The following TTYH2 variants were observed in gnomAD, a reference collection of about 807,000 sequenced individuals.
The protein encoded by TTYH2 is tweety family member 2.
Under a neutral mutation model 68.3 loss-of-function variants are expected in TTYH2, and 49 were observed. The observed-to-expected ratio is 0.72, with a 90% CI of 0.57 to 0.91. The LOEUF (loss-of-function observed/expected upper bound fraction) is 0.91, where lower values mean the gene tolerates loss of function less well. Ranked by LOEUF, TTYH2 falls within the 40% of genes least tolerant of loss-of-function variation. The pLI, the probability that TTYH2 is intolerant of heterozygous loss-of-function variation, is 0.00. For missense variants in TTYH2, 631 were observed against 700.4 expected (o/e 0.90, Z 1.12); for synonymous variants, 272 against 300.8 (o/e 0.90, Z 0.99).
chr17:74,248,569 T>C (rs532597627), intron 6 of TTYH2: 20 of 1,019,672 alleles, frequency 2.0e-5, no homozygotes, highest in Non-Finnish European at 2.2e-5. Context: ...TAGCACTTGA[T>C]CATAGCAAGA....
intron 4 of TTYH2, 87 bp from the exon 5 acceptor site, chr17:74,243,287 C>A: frequency 9.0e-7 from 1 of 1,111,720 alleles, no homozygotes; most frequent in Non-Finnish European, 1.4e-6. Context: ...CCAGTGTGTC[C>A]CAGGGCTGCC....
chr17:74,256,691 C>T (rs1248934152), intron 13 of TTYH2, among the ~76,000 whole-genome samples: 3 of 123,596 alleles, frequency 2.4e-5, no homozygotes, highest in African/African-American at 1.0e-4. Context: ...ACTCTGTGAC[C>T]TAGGCTGGAG....
chr17:74,221,521 A>G lies in TTYH2; in HGVS notation c.130-964A>G, dbSNP rs575755273. Among the ~76,000 whole-genome samples the G allele has an allele frequency of 1.2e-4, 18 of 152,252 alleles. 1 individual carries two copies. The South Asian group carries it at 3.3e-3, about 28-fold the overall frequency. On this transcript the variant is annotated intron_variant, in intron 1 of 13. Transcript: ENST00000269346. ...TAGGGATTCGGGACTGGGAACCCCTATTGGGGGTGCATGGGAAGCAGGGGC... is the reference window on the plus strand; with the variant it reads ...TAGGGATTCGGGACTGGGAACCCCTGTTGGGGGTGCATGGGAAGCAGGGGC...
rs1240840825 is a variant in TTYH2 at position 74,213,818 on chromosome 17, C to T, written c.129+102C>T. ...GCACTTTCCCACGTGCCTCTCAGAC[C>T]CCTTCTCTCCCCGCGCAGCCCTTTC... On this transcript the variant is annotated intron_variant, in intron 1 of 13. Coordinates refer to ENST00000269346, the MANE Select transcript of TTYH2 (RefSeq NM_032646.6). This position sits in a 1 kb window ranked among gnomAD's most constrained non-coding sequence, Gnocchi z 6.1. The T allele has an allele frequency of 3.6e-6, 5 of 1,392,744 alleles. No homozygotes were observed. The highest frequency in any genetic ancestry group is 4.1e-5 in the Admixed American group (2 of 48,660). 86.3% of individuals were successfully genotyped at this position (1,392,744 alleles called of 1,614,324 possible). A position where few individuals can be genotyped will look rare whatever the true frequency, so the allele number is the denominator to read the frequency against.
intron 6 of TTYH2, 57 bp downstream of exon 6, chr17:74,244,106 G>T: frequency 1.3e-6 from 2 of 1,544,220 alleles, no homozygotes; most frequent in Non-Finnish European, 1.8e-6. Flanking sequence ...GGACACTCTG[G>T]TGTGTCTCCA....
rs1270525222 is a variant in TTYH2, at chr17:74,232,720, C to T, written c.414+1721C>T. ...GATCACTGGAGGAGGAACCTAGCCC[C>T]GAGAGGAAAATCCCCTGCCCTGCCC... On this transcript the variant is annotated intron_variant, in intron 3 of 13. Transcript: ENST00000269346. This position sits in a 1 kb window ranked among gnomAD's most constrained non-coding sequence, Gnocchi z 5.1. Among the ~76,000 whole-genome samples the T allele has an allele frequency of 2.0e-5, 3 of 152,190 alleles. No individual in the cohort carries two copies. The highest frequency in any genetic ancestry group is 4.4e-5 in the Non-Finnish European group (3 of 68,028).
At chr17:74,253,644 G>T (rs1287927399) in intron 12 of TTYH2, 111 bp from the exon 13 acceptor site, 1 of 1,007,532 alleles carries the variant, frequency 9.9e-7, no homozygotes, top group East Asian at 2.4e-5. Flanking sequence ...TCTGTGGTTT[G>T]GTTCCATCCC....
chr17:74,237,491 G>T lies in TTYH2; in HGVS notation c.612G>T (p.Gln204His). The change falls in exon 4 of 14, where the codon CAG (glutamine) becomes CAT (histidine). Residue 204 changes from glutamine to histidine, a missense_variant. Physicochemically the swap from Gln to His is conservative, Grantham distance 24 (BLOSUM62 0). Transcript: ENST00000269346. ...TGGAGCTGACCAAGCTATCCGACCA[G>T]ACTGGCTACGTGGAGTACTACAGGT... ...VTMELTKLSD[Q>H]TGYVEYYRWL... 1 of 1,613,214 alleles carries T rather than the reference G, an allele frequency of 6.2e-7. No individual in the cohort carries two copies. Among genetic ancestry groups the T allele is most frequent in the Admixed American group, 1.7e-5 (1 of 59,978 alleles).
At chr17:74,236,821 A>G (rs2143747988) in intron 3 of TTYH2, among the ~76,000 whole-genome samples, 1 of 151,368 alleles carries the variant, frequency 6.6e-6, no homozygotes, top group Admixed American at 6.6e-5. Context: ...TCCTTCCTCC[A>G]GGGGCACAGG....
intron 3 of TTYH2, among the ~76,000 whole-genome samples, chr17:74,233,531 G>T (rs2050411357): frequency 6.6e-6 from 1 of 152,152 alleles, no homozygotes; most frequent in African/African-American, 2.4e-5. Context: ...GCAGATGGGG[G>T]ACTCGTCGAC....
At position 74,253,143 on chromosome 17, in the gene TTYH2, C is replaced by T. The variant is rs771374086; in HGVS notation, c.1322C>T (p.Ala441Val). 118 of 1,613,776 alleles carry T rather than the reference C, an allele frequency of 7.3e-5. No homozygotes were observed. Among genetic ancestry groups the T allele is most frequent in the Middle Eastern group, 1.6e-4 (1 of 6,074 alleles). The change falls in exon 12 of 14, where the codon GCG becomes GTG. Residue 441 changes from alanine (A) to valine (V), a missense_variant. Transcript: ENST00000269346. ...TTTAACCCCCAAGCCTGGCGCATGG[C>T]GGCTCACAGTCCCCCGAGGGGACAG... ...DPFNPQAWRM[A>V]AHSPPRGQLH...
At chr17:74,254,022 C>T (rs1203157297) in intron 13 of TTYH2, among the ~76,000 whole-genome samples, 189 bp downstream of exon 13, 1 of 152,206 alleles carries the variant, frequency 6.6e-6, no homozygotes, top group African/African-American at 2.4e-5. Context: ...CAAGAAATCT[C>T]ACTCCTTCCC....
Position 74,253,246 on chromosome 17 carries a change from CG to C in TTYH2, c.1426del (p.Ala476ProfsTer7). The C allele has an allele frequency of 6.2e-7, 1 of 1,603,866 alleles. No individual in the cohort carries two copies. The highest frequency in any genetic ancestry group is 1.3e-5 in the African/African-American group (1 of 74,452). On this transcript the variant is annotated frameshift_variant, in exon 12 of 14. Transcript: ENST00000269346. LOFTEE classifies it high-confidence loss of function. ...AGCCCCCGGCCCAGACCATCTCCAA[CG>C]CCCCTGTCTCCGAGTACATGTACGG... The part of the protein sequence containing the change: ...LQPPAQTISN[A>X]PVSEYMNQAM...
At chr17:74,250,099 A>G (rs1311657146) in intron 9 of TTYH2, 71 bp downstream of exon 9, 5 of 1,556,236 alleles carry the variant, frequency 3.2e-6, no homozygotes, top group Admixed American at 1.7e-5. Context: ...CCCCGGCCCC[A>G]GGGCCAGGCT....
chr17:74,243,337 C>T (rs372443096), intron 4 of TTYH2, 37 bp from the exon 5 acceptor site: 102 of 1,574,950 alleles, frequency 6.5e-5, no homozygotes, highest in Non-Finnish European at 8.7e-5. Flanking sequence ...AGAAGTTCCA[C>T]CCTGCTGCTC....
chr17:74,231,245 A>G (rs1438508109), intron 3 of TTYH2, among the ~76,000 whole-genome samples: 1 of 152,186 alleles, frequency 6.6e-6, no homozygotes, highest in Non-Finnish European at 1.5e-5. Context: ...GTGGGATCAA[A>G]CCCCATTTTC....
rs145732826 is a variant in TTYH2 at position 74,245,211 on chromosome 17, C to T, written c.804+1162C>T. Among the ~76,000 whole-genome samples, 845 of 152,330 alleles carry T rather than the reference C, an allele frequency of 5.5e-3. 6 individuals carry two copies. The highest frequency in any genetic ancestry group is 0.019 in the African/African-American group (806 of 41,576). The stretch of plus-strand genomic sequence containing the variant: ...AGGGAGAAGAGGGGGCATTTTCTGT[C>T]TTTGCCTCCTGCCACCCCAGTGCAG... On this transcript the variant is annotated intron_variant, in intron 6 of 13. Transcript: ENST00000269346.
rs1489648881 is a variant in TTYH2, at chr17:74,213,887, G to T, written c.129+171G>T. 1.3e-5 allele frequency among the ~76,000 whole-genome samples: 2 copies of T among 152,024 alleles called. No individual in the cohort carries two copies. The highest frequency in any genetic ancestry group is 2.9e-5 in the Non-Finnish European group (2 of 68,016). ...TTTCCCCCACCCTCCCAGGCCCGTGGCCCGCGTCCCCTCCTGTCTGGGAAC... is the reference window on the plus strand; with the variant it reads ...TTTCCCCCACCCTCCCAGGCCCGTGTCCCGCGTCCCCTCCTGTCTGGGAAC... On this transcript the variant is annotated intron_variant, in intron 1 of 13. Transcript: ENST00000269346. The surrounding 1 kb of genome is among the most constrained non-coding windows in gnomAD (Gnocchi z 6.1).
At chr17:74,248,947 TC>T in intron 6 of TTYH2, 63 bp from the exon 7 acceptor site, 2 of 1,610,046 alleles carry the variant, frequency 1.2e-6, no homozygotes, top group Non-Finnish European at 1.7e-6. Flanking sequence ...TCCCGGCTCC[TC>T]CCAGGGCCCC....
Sources: gnomAD v4.1 joint callset for allele counts (sites outside exome capture counted in the v4.1 genomes callset) on GRCh38, gnomAD v4.1.1 for gene constraint, Gnocchi (gnomAD v3.1) non-coding constraint, MANE v1.5 for transcripts, NCBI Gene and HGNC (gene_info 2026-07-23, HGNC 2026-07-21) for gene names.